DGKB: variants seen among roughly 807,000 people sequenced by gnomAD.
DGKB encodes 90 kDa diacylglycerol kinase.
A neutral mutation model predicts 114.3 loss-of-function variants in DGKB; 67 were observed. The observed-to-expected ratio is 0.59, with a 90% confidence interval of 0.48 to 0.72. The LOEUF (loss-of-function observed/expected upper bound fraction) is 0.72, where lower values mean the gene tolerates loss of function less well. Among genes scored for constraint, DGKB ranks in the 30% least tolerant of loss-of-function variants. The pLI is 0.00. For missense variants in DGKB, 907 were observed against 975.2 expected (o/e 0.93, Z 0.93); for synonymous variants, 398 against 323.1 (o/e 1.23, Z -2.49).
At chr7:14,271,595 C>T (rs1798274905) in intron 23 of DGKB, among the ~76,000 whole-genome samples, 1 of 152,134 alleles carries the variant, frequency 6.6e-6, no homozygotes, top group African/African-American at 2.4e-5. Flanking sequence ...ACAATGGAGC[C>T]TTTGAGGGGC....
intron 21 of DGKB, among the ~76,000 whole-genome samples, chr7:14,386,957 G>C (rs1820440092): frequency 6.6e-6 from 1 of 151,674 alleles, no homozygotes. Context: ...TATTAAAATA[G>C]TCATTAAAAT....
At chr7:14,432,097 A>T (rs2128791828) in intron 21 of DGKB, among the ~76,000 whole-genome samples, 1 of 152,272 alleles carries the variant, frequency 6.6e-6, no homozygotes, top group Admixed American at 6.5e-5. Context: ...GATAAAATAG[A>T]CTTCAGTGTA....
At chr7:14,974,144 T>A (rs1787655867) in intron 1 of DGKB, among the ~76,000 whole-genome samples, 1 of 151,964 alleles carries the variant, frequency 6.6e-6, no homozygotes, top group Admixed American at 6.6e-5. Context: ...ACTGACACTA[T>A]ACTGTACAAA....
At chr7:14,538,141 C>T (rs1411900091) in intron 20 of DGKB, among the ~76,000 whole-genome samples, 1 of 143,386 alleles carries the variant, frequency 7.0e-6, no homozygotes. Flanking sequence ...AAAGCTTCTG[C>T]ACAACAAAGA....
At chr7:14,296,766 T>TG (rs1263839479) in intron 23 of DGKB, among the ~76,000 whole-genome samples, 8 of 149,360 alleles carry the variant, frequency 5.4e-5, no homozygotes, top group African/African-American at 2.0e-4. Flanking sequence ...GACTGTTTTT[T>TG]TTTTTTTTTT....
In DGKB at chr7:14,584,728, G is replaced by T. The variant is rs745799058; in HGVS notation, c.1434-1591C>A. On this transcript the variant is annotated intron_variant, in intron 17 of 25. Transcript: ENST00000402815. ...ATATGGAGTGCAATGGTGCAATCTC[G>T]ACTCACTGCAACCTCCTCCTCCTGG... 1.3e-5 allele frequency among the ~76,000 whole-genome samples: 2 copies of T among 151,312 alleles called. 1 individual carries two copies. Among genetic ancestry groups the T allele is most frequent in the South Asian group, 4.2e-4 (2 of 4,788 alleles).
chr7:14,739,673 A>C (rs539686566), intron 4 of DGKB, among the ~76,000 whole-genome samples: 19 of 152,060 alleles, frequency 1.2e-4, no homozygotes, highest in Non-Finnish European at 2.8e-4. Context: ...CGAACCCAAG[A>C]ATCTCTTTCA....
intron 23 of DGKB, among the ~76,000 whole-genome samples, chr7:14,241,751 A>T (rs1176640004): frequency 1.3e-5 from 2 of 152,152 alleles, no homozygotes; most frequent in East Asian, 3.9e-4. Context: ...GGAGAACATT[A>T]GAGATACAAT....
chr7:14,154,094 G>C (rs142641914), intron 25 of DGKB, among the ~76,000 whole-genome samples: 2,657 of 150,376 alleles, frequency 0.018, 35 homozygotes, highest in Non-Finnish European at 0.028. Context: ...AAGAGAGCTA[G>C]ACAGAAACCT....
At chr7:14,610,372 A>G (rs1215847503) in intron 16 of DGKB, among the ~76,000 whole-genome samples, 1 of 152,030 alleles carries the variant, frequency 6.6e-6, no homozygotes, top group Non-Finnish European at 1.5e-5. Context: ...ATGGGGGACT[A>G]CCAGAGTGGG....
chr7:14,322,033 G>A (rs556231214), intron 23 of DGKB, among the ~76,000 whole-genome samples: 1 of 152,240 alleles, frequency 6.6e-6, no homozygotes, highest in African/African-American at 2.4e-5. Flanking sequence ...TTAACAAACT[G>A]ATTAACAAAA....
chr7:14,559,107 G>C (rs1796285429), intron 20 of DGKB, among the ~76,000 whole-genome samples: 1 of 152,122 alleles, frequency 6.6e-6, no homozygotes, highest in South Asian at 2.1e-4. Flanking sequence ...CTAACACCAT[G>C]TCCAACATAA....
intron 23 of DGKB, among the ~76,000 whole-genome samples, chr7:14,209,721 AC>A (rs1166698741): frequency 6.6e-6 from 1 of 152,166 alleles, no homozygotes; most frequent in Non-Finnish European, 1.5e-5. Context: ...AAAACTTCAG[AC>A]ATAAGTTAAT....
At chr7:14,609,296 A>G (rs912575089) in intron 16 of DGKB, among the ~76,000 whole-genome samples, 1 of 152,094 alleles carries the variant, frequency 6.6e-6, no homozygotes. Context: ...TAGCGAAAGG[A>G]CTTCCTATTC....
At chr7:14,817,238 T>C (rs999441906) in intron 2 of DGKB, among the ~76,000 whole-genome samples, 2 of 152,220 alleles carry the variant, frequency 1.3e-5, no homozygotes, top group African/African-American at 2.4e-5. Context: ...TATTGAGATA[T>C]TTTAGTTACT....
intron 20 of DGKB, among the ~76,000 whole-genome samples, chr7:14,528,452 A>G (rs1021982242): frequency 1.2e-4 from 18 of 152,104 alleles, no homozygotes; most frequent in Non-Finnish European, 8.8e-5. Flanking sequence ...TATGTAATCA[A>G]AGACTAATTA....
At position 14,583,042 on chromosome 7, in the gene DGKB, T is replaced by A. The variant is rs968210283; in HGVS notation, c.1519+10A>T. 1.3e-6 allele frequency: 2 copies of A among 1,576,640 alleles called. No individual in the cohort carries two copies. The highest frequency in any genetic ancestry group is 1.7e-6 in the Non-Finnish European group (2 of 1,146,240). ...TCTCCCCAGCCATATTAAGTATGTG[T>A]CTGCATTACCTATGCAATCCAAAAC... On this transcript the variant is annotated intron_variant, in intron 18 of 25. Transcript: ENST00000402815.
At chr7:14,730,524 C>T (rs1426172373) in intron 5 of DGKB, among the ~76,000 whole-genome samples, 1 of 152,164 alleles carries the variant, frequency 6.6e-6, no homozygotes, top group African/African-American at 2.4e-5. Context: ...TAAGAAAACT[C>T]AGTCCTGAGT....
rs539595396 is a variant in DGKB, at chr7:14,208,586, T to C, written c.2123-30435A>G. On this transcript the variant is annotated intron_variant, in intron 23 of 25. Transcript: ENST00000402815. ...TGTGTTATGCATTGATATTTCTTTA[T>C]GTTTGTGTGTACACATATACTAGTA... Among the ~76,000 whole-genome samples, 4 of 152,186 alleles carry C rather than the reference T, an allele frequency of 2.6e-5. No homozygotes were observed. In the South Asian group the frequency reaches 8.3e-4, roughly 32 times the overall value.
Sources: gnomAD v4.1 joint callset for allele counts (sites outside exome capture counted in the v4.1 genomes callset) on GRCh38, gnomAD v4.1.1 for gene constraint, MANE v1.5 for transcripts, NCBI Gene and HGNC (gene_info 2026-07-23, HGNC 2026-07-21) for gene names.